INO80D: variants seen among roughly 807,000 people sequenced by gnomAD.
The protein encoded by INO80D is INO80 complex subunit D.
In INO80D, 21 loss-of-function variants were observed where a neutral mutation model predicts 87.6. The ratio of observed to expected loss-of-function variants is 0.24; its 90% CI spans 0.17 to 0.35. The LOEUF (loss-of-function observed/expected upper bound fraction) is 0.35. Among genes scored for constraint, INO80D ranks in the 10% least tolerant of loss-of-function variants. The probability of loss-of-function intolerance (pLI) is 1.00; values close to 1 mark genes in which losing one functional copy is unlikely to be tolerated. For synonymous variants in INO80D, 440 were observed against 491.0 expected (o/e 0.90, Z 1.37); for missense variants, 982 against 1,280.7 (o/e 0.77, Z 3.56).
intron 4 of INO80D, among the ~76,000 whole-genome samples, chr2:206,047,977 A>C (rs1689244155): frequency 6.6e-6 from 1 of 150,928 alleles, no homozygotes; most frequent in Non-Finnish European, 1.5e-5. Flanking sequence ...CAGCCTCCCG[A>C]GTAGCTGGGA....
chr2:206,041,626 G>A (rs1386021426), intron 5 of INO80D, among the ~76,000 whole-genome samples: 2 of 152,174 alleles, frequency 1.3e-5, no homozygotes, highest in South Asian at 2.1e-4. Context: ...CCTTTTCTCA[G>A]TAATTGATAT....
At chr2:206,076,677 G>A (rs1690125072) in intron 1 of INO80D, among the ~76,000 whole-genome samples, 1 of 152,208 alleles carries the variant, frequency 6.6e-6, no homozygotes, top group African/African-American at 2.4e-5. Flanking sequence ...CACTGTACAA[G>A]TAAGTTTGCA....
chr2:206,025,568 T>TATATATATATATATAA lies in INO80D; in HGVS notation c.1298+2542_1298+2543insTTATATATATATATAT, dbSNP rs3079262. 13 of 126,794 alleles carry TATATATATATATATAA rather than the reference T, an allele frequency of 1.0e-4. No homozygotes were observed. The South Asian group carries it at 1.2e-3, about 12-fold the overall frequency. 7.9% of individuals were successfully genotyped at this position (126,794 alleles called of 1,614,324 possible). ...ATATATATATATATATATATATATA[T>TATATATATATATATAA]AAAATAACTAAAAAGTGTGAAATAG... On this transcript the variant is annotated intron_variant, in intron 6 of 10. Coordinates refer to ENST00000403263, the MANE Select transcript of INO80D (RefSeq NM_017759.5).
At chr2:206,036,813 T>A (rs1383559981) in intron 5 of INO80D, among the ~76,000 whole-genome samples, 2 of 152,208 alleles carry the variant, frequency 1.3e-5, no homozygotes, top group Non-Finnish European at 2.9e-5. Flanking sequence ...TGAGGCACGT[T>A]ACATGATTAT....
intron 1 of INO80D, among the ~76,000 whole-genome samples, chr2:206,080,902 CAAAAAAAAAAAAA>C (rs60198558): frequency 1.4e-3 from 52 of 38,064 alleles, no homozygotes; most frequent in African/African-American, 3.7e-3. Flanking sequence ...GACTCAGTCT[CAAAAAAAAAAAAA>C]AAAAAAAAAA....
At position 205,995,150 on chromosome 2, in the gene INO80D, C is replaced by T. The variant is rs775604908; in HGVS notation, c.*9218G>A. On this transcript the variant is annotated 3_prime_UTR_variant, in exon 11 of 11. Transcript: ENST00000403263. ...TCTAGGAGATGGTGGCTGACATACA[C>T]TAACGGAAATATTAGGATTGCTTTA... The T allele has an allele frequency of 1.3e-5, 2 of 152,082 alleles. No homozygotes were observed. The highest frequency in any genetic ancestry group is 2.9e-5 in the Non-Finnish European group (2 of 68,000). 9.4% of individuals were successfully genotyped at this position (152,082 alleles called of 1,614,324 possible).
intron 6 of INO80D, among the ~76,000 whole-genome samples, chr2:206,025,303 G>A (rs1288311018): frequency 6.6e-6 from 1 of 150,928 alleles, no homozygotes; most frequent in Admixed American, 6.6e-5. Context: ...CGAGGTGGGT[G>A]GATCACCTGA....
In INO80D at chr2:206,085,025, G is replaced by A. The variant is rs1009217296; in HGVS notation, c.-124+876C>T. On this transcript the variant is annotated intron_variant, in intron 1 of 10. Coordinates refer to ENST00000403263, the MANE Select transcript of INO80D (RefSeq NM_017759.5). The surrounding 1 kb of genome is among the most constrained non-coding windows in gnomAD (Gnocchi z 4.5). Reference sequence around the variant, plus strand: ...GCGGGGAGTTGGGTGGGGCGCGGGCGAGGGGTGCAGGGGCGGAGTACCTTC... The same window carrying A: ...GCGGGGAGTTGGGTGGGGCGCGGGCAAGGGGTGCAGGGGCGGAGTACCTTC... 1.3e-5 allele frequency among the ~76,000 whole-genome samples: 2 copies of A among 152,020 alleles called. No homozygotes were observed. Among genetic ancestry groups the A allele is most frequent in the African/African-American group, 4.8e-5 (2 of 41,402 alleles).
rs1687808055 is a variant in INO80D, at chr2:205,996,350, G to A, written c.*8018C>T. The A allele has an allele frequency of 6.7e-6, 1 of 148,874 alleles. No homozygotes were observed. Among genetic ancestry groups the A allele is most frequent in the South Asian group, 2.1e-4 (1 of 4,740 alleles). 9.2% of individuals were successfully genotyped at this position (148,874 alleles called of 1,614,324 possible). ...GATTTTTTTTTTTTTTTTAAGTGATGAAAGACTGACCAGTAGAAGGTGGTG... is the reference window on the plus strand; with the variant it reads ...GATTTTTTTTTTTTTTTTAAGTGATAAAAGACTGACCAGTAGAAGGTGGTG... On this transcript the variant is annotated 3_prime_UTR_variant, in exon 11 of 11. Transcript: ENST00000403263.
chr2:206,046,043 T>G (rs1689185074), intron 5 of INO80D, among the ~76,000 whole-genome samples: 1 of 152,164 alleles, frequency 6.6e-6, no homozygotes, highest in Non-Finnish European at 1.5e-5. Context: ...CCAAGAAAAT[T>G]TAAGAGTAGC....
intron 4 of INO80D, among the ~76,000 whole-genome samples, chr2:206,050,743 C>T (rs565410143): frequency 1.9e-4 from 28 of 151,342 alleles, no homozygotes; most frequent in South Asian, 4.2e-4. Flanking sequence ...CCGAGGCGGG[C>T]GGATCACGAG....
At chr2:206,013,477 G>A (rs192698344) in intron 8 of INO80D, among the ~76,000 whole-genome samples, 4 of 149,298 alleles carry the variant, frequency 2.7e-5, no homozygotes, top group Admixed American at 6.7e-5. Context: ...GCGTGAACCC[G>A]GGAGGTGGAG....
chr2:206,063,713 T>G (rs1051458012), intron 1 of INO80D: 1 of 152,058 alleles, frequency 6.6e-6, no homozygotes, highest in Non-Finnish European at 1.5e-5. Flanking sequence ...AAAAAAAAAG[T>G]AAGTTACCTT....
chr2:206,055,355 G>T (rs1336645133), intron 4 of INO80D, among the ~76,000 whole-genome samples: 3 of 152,148 alleles, frequency 2.0e-5, no homozygotes, highest in Non-Finnish European at 1.5e-5. Context: ...AAATTCAGAA[G>T]CAACAAAAGA....
intron 7 of INO80D, among the ~76,000 whole-genome samples, 194 bp downstream of exon 7, chr2:206,019,540 GCT>G (rs1279417884): frequency 6.6e-5 from 10 of 152,008 alleles, no homozygotes; most frequent in Admixed American, 6.6e-4. Flanking sequence ...TATCAATTTT[GCT>G]TATTTTTTGT....
chr2:206,045,220 A>G (rs1355746896), intron 5 of INO80D, among the ~76,000 whole-genome samples: 3 of 152,152 alleles, frequency 2.0e-5, no homozygotes, highest in African/African-American at 7.2e-5. Flanking sequence ...TTGTTTAGTG[A>G]CCATTTGTAC....
At chr2:206,074,442 C>T (rs866593519) in intron 1 of INO80D, among the ~76,000 whole-genome samples, 7 of 151,788 alleles carry the variant, frequency 4.6e-5, no homozygotes, top group Middle Eastern at 3.2e-3. Flanking sequence ...GTTGAAACCC[C>T]GTCTCTACAA....
rs1336340798 is a variant in INO80D, at chr2:205,999,410, T to A, written c.*4958A>T. The A allele has an allele frequency of 6.6e-6, 1 of 152,162 alleles. No individual in the cohort carries two copies. The highest frequency in any genetic ancestry group is 1.5e-5 in the Non-Finnish European group (1 of 68,028). 9.4% of individuals were successfully genotyped at this position (152,162 alleles called of 1,614,324 possible). A position where few individuals can be genotyped will look rare whatever the true frequency, so the allele number is the denominator to read the frequency against. On this transcript the variant is annotated 3_prime_UTR_variant, in exon 11 of 11. Coordinates refer to ENST00000403263, the MANE Select transcript of INO80D (RefSeq NM_017759.5). ...TACGAGTATTGATCTAAACTTTAGA[T>A]CACTAAAAACTGCTGTTCAAAGTAG...
chr2:206,072,486 G>A (rs1033343131), intron 1 of INO80D, among the ~76,000 whole-genome samples: 3 of 151,704 alleles, frequency 2.0e-5, no homozygotes, highest in East Asian at 1.9e-4. Flanking sequence ...GCATGTTGGC[G>A]AGGCTGGTCT....
Sources: gnomAD v4.1 joint callset for allele counts (sites outside exome capture counted in the v4.1 genomes callset) on GRCh38, gnomAD v4.1.1 for gene constraint, Gnocchi (gnomAD v3.1) non-coding constraint, MANE v1.5 for transcripts, NCBI Gene and HGNC (gene_info 2026-07-23, HGNC 2026-07-21) for gene names.